SYT9: variants seen among roughly 807,000 people sequenced by gnomAD.
SYT9 encodes synaptotagmin 9, also known as synaptotagmin-9.
SYT9 carries 22 observed loss-of-function variants against 48.4 expected under a neutral mutation model. The ratio of observed to expected loss-of-function variants is 0.45; its 90% CI spans 0.32 to 0.65. The LOEUF is 0.65. Ranked by LOEUF, SYT9 falls within the 30% of genes least tolerant of loss-of-function variation. SYT9 has a pLI of 0.03. For missense variants in SYT9, 577 were observed against 622.0 expected (o/e 0.93, Z 0.77); for synonymous variants, 265 against 245.0 (o/e 1.08, Z -0.76).
chr11:7,366,066 C>T (rs1469590161), intron 3 of SYT9, among the ~76,000 whole-genome samples: 1 of 152,220 alleles, frequency 6.6e-6, no homozygotes, highest in Non-Finnish European at 1.5e-5. Flanking sequence ...AGCTGTCCTC[C>T]AGGTGCTCCC....
chr11:7,309,647 C>T (rs1408925861), intron 2 of SYT9, among the ~76,000 whole-genome samples: 5 of 152,108 alleles, frequency 3.3e-5, no homozygotes, highest in African/African-American at 7.2e-5. Flanking sequence ...TTTGGGCTTG[C>T]GTTTTCTTCC....
intron 3 of SYT9, among the ~76,000 whole-genome samples, chr11:7,408,427 C>T (rs903888026): frequency 2.0e-4 from 30 of 152,200 alleles, no homozygotes; most frequent in African/African-American, 7.2e-4. Context: ...CATGCCCAGC[C>T]AGTAGTATGG....
intron 3 of SYT9, among the ~76,000 whole-genome samples, chr11:7,383,453 A>G (rs2134049088): frequency 6.6e-6 from 1 of 152,312 alleles, no homozygotes; most frequent in South Asian, 2.1e-4. Flanking sequence ...AGGGTGCAAC[A>G]CATATCCAAG....
intron 6 of SYT9, among the ~76,000 whole-genome samples, chr11:7,434,440 A>G (rs181657817): frequency 1.4e-4 from 22 of 152,228 alleles, no homozygotes; most frequent in Admixed American, 4.6e-4. Flanking sequence ...ATGATGGTAG[A>G]GCTCTTCATA....
At chr11:7,245,363 G>T (rs927615108) in intron 1 of SYT9, among the ~76,000 whole-genome samples, 1 of 151,750 alleles carries the variant, frequency 6.6e-6, no homozygotes, top group African/African-American at 2.4e-5. Flanking sequence ...TATCATTCAG[G>T]GACATTGTAG....
At chr11:7,403,764 TA>T (rs35381072) in intron 3 of SYT9, among the ~76,000 whole-genome samples, 125,145 of 151,390 alleles carry the variant, frequency 0.83, 51,888 homozygotes, top group African/African-American at 0.92. Context: ...TTGGTGCACC[TA>T]AAAAAAAAAG....
chr11:7,296,189 T>A (rs1001951537), intron 1 of SYT9, among the ~76,000 whole-genome samples: 1 of 152,242 alleles, frequency 6.6e-6, no homozygotes, highest in Admixed American at 6.5e-5. Context: ...ACTATTATTA[T>A]CCCAATGTTA....
At position 7,442,907 on chromosome 11, in the gene SYT9, A is replaced by T. The variant is rs530722576; in HGVS notation, c.1467+22272A>T. ...ACCACGCGATGTCCAGACACTGAGG[A>T]TTCAGTGATAAAAACACATGGCGCC... On this transcript the variant is annotated intron_variant, in intron 6 of 6. Coordinates refer to ENST00000318881, the MANE Select transcript of SYT9 (RefSeq NM_175733.4). 2.0e-5 allele frequency among the ~76,000 whole-genome samples: 3 copies of T among 152,320 alleles called. No homozygotes were observed. In the East Asian group the frequency reaches 5.8e-4, roughly 29 times the overall value.
At chr11:7,396,272 G>T (rs564930518) in intron 3 of SYT9, among the ~76,000 whole-genome samples, 3 of 152,010 alleles carry the variant, frequency 2.0e-5, no homozygotes, top group African/African-American at 7.2e-5. Context: ...ACTTTATCTC[G>T]CTGTATTTTT....
intron 3 of SYT9, among the ~76,000 whole-genome samples, chr11:7,376,228 T>C (rs1369344960): frequency 6.6e-6 from 1 of 151,922 alleles, no homozygotes; most frequent in Non-Finnish European, 1.5e-5. Context: ...GAATGAAAAA[T>C]TTTAAAGTGA....
intron 3 of SYT9, among the ~76,000 whole-genome samples, chr11:7,407,477 T>G (rs1395020911): frequency 2.6e-5 from 2 of 76,704 alleles, no homozygotes; most frequent in Non-Finnish European, 2.4e-5. Context: ...GCTTCCCGGG[T>G]TCACGCCATT....
intron 6 of SYT9, chr11:7,454,041 ACAGGG>A: frequency 1.0e-6 from 1 of 985,338 alleles, no homozygotes; most frequent in Non-Finnish European, 1.2e-6. Context: ...CAGCTTCCCC[ACAGGG>A]CAGGATACCA....
At chr11:7,371,305 CAACATGA>C (rs72296865) in intron 3 of SYT9, among the ~76,000 whole-genome samples, 70,614 of 151,176 alleles carry the variant, frequency 0.47, 16,958 homozygotes, top group South Asian at 0.69. Flanking sequence ...AACATCTTTA[CAACATGA>C]AATGTTTCCT....
At chr11:7,284,746 T>C (rs1349692014) in intron 1 of SYT9, among the ~76,000 whole-genome samples, 2 of 151,910 alleles carry the variant, frequency 1.3e-5, no homozygotes, top group Non-Finnish European at 2.9e-5. Context: ...GGAAATGTTA[T>C]TTTTTTTGCC....
At chr11:7,442,295 G>A (rs779367489) in intron 6 of SYT9, among the ~76,000 whole-genome samples, 1 of 152,136 alleles carries the variant, frequency 6.6e-6, no homozygotes, top group Non-Finnish European at 1.5e-5. Flanking sequence ...TGGAGAACAC[G>A]TCTCCACACA....
At chr11:7,301,796 G>A (rs1029187928) in intron 1 of SYT9, among the ~76,000 whole-genome samples, 1 of 152,200 alleles carries the variant, frequency 6.6e-6, no homozygotes, top group Non-Finnish European at 1.5e-5. Context: ...GTAATGACAG[G>A]CAGGGTTGTC....
intron 3 of SYT9, among the ~76,000 whole-genome samples, chr11:7,336,702 A>G (rs548359920): frequency 2.0e-5 from 3 of 152,010 alleles, no homozygotes; most frequent in African/African-American, 4.8e-5. Flanking sequence ...AGGTCTATGC[A>G]TCTGTTTTTG....
At chr11:7,274,031 A>C (rs993786551) in intron 1 of SYT9, among the ~76,000 whole-genome samples, 3 of 152,346 alleles carry the variant, frequency 2.0e-5, no homozygotes, top group Non-Finnish European at 4.4e-5. Context: ...ACAAATCTGC[A>C]CGTTCTGCAC....
At chr11:7,397,083 G>A (rs1846770121) in intron 3 of SYT9, among the ~76,000 whole-genome samples, 1 of 152,046 alleles carries the variant, frequency 6.6e-6, no homozygotes, top group South Asian at 2.1e-4. Context: ...AATCCAAATC[G>A]TGGACATTTT....
Sources: allele counts gnomAD v4.1 joint callset (sites outside exome capture counted in the v4.1 genomes callset), GRCh38; gene constraint gnomAD v4.1.1; transcripts MANE v1.5; gene names NCBI Gene and HGNC (gene_info 2026-07-23, HGNC 2026-07-21).